VWF: variants seen among roughly 807,000 people sequenced by gnomAD.
VWF encodes von Willebrand factor, also known as Factor VIII related antigen.
A neutral mutation model predicts 308.6 loss-of-function variants in VWF; 176 were observed. The ratio of observed to expected loss-of-function variants is 0.57; its 90% CI spans 0.50 to 0.65. VWF has a LOEUF of 0.65. VWF is among the 30% of genes least tolerant of loss of function. VWF has a pLI of 0.00. For synonymous variants in VWF, 1,385 were observed against 1,443.4 expected, an observed-to-expected ratio of 0.96 and a Z score of 0.92; for missense variants, 3,146 against 3,648.2, an observed-to-expected ratio of 0.86 and a Z score of 3.55.
At chr12:6,107,558 G>A (rs753273186) in intron 5 of VWF, among the ~76,000 whole-genome samples, 1 of 152,018 alleles carries the variant, frequency 6.6e-6, no homozygotes, top group Non-Finnish European at 1.5e-5. Flanking sequence ...AAAGAAAGGT[G>A]GAATAGCTAT....
At chr12:6,026,964 GA>G (rs1172245641) in intron 22 of VWF, among the ~76,000 whole-genome samples, 1 of 152,166 alleles carries the variant, frequency 6.6e-6, no homozygotes, top group African/African-American at 2.4e-5. Context: ...GCCTGGAGAA[GA>G]AAAGGTGCTA....
In VWF at chr12:6,041,375, A is replaced by G. The variant is rs1003846978; in HGVS notation, c.2442+2916T>C. Reference sequence around the variant, plus strand: ...AACCTGGGAGGTGGGGGTTGCAGTGAGCCGAGACCATGCCACTGCACTGCA... The same window carrying G: ...AACCTGGGAGGTGGGGGTTGCAGTGGGCCGAGACCATGCCACTGCACTGCA... On this transcript the variant is annotated intron_variant, in intron 18 of 51. Coordinates refer to ENST00000261405, the MANE Select transcript of VWF (RefSeq NM_000552.5). Among the ~76,000 whole-genome samples, 6 of 151,448 alleles carry G rather than the reference A, an allele frequency of 4.0e-5. No individual in the cohort carries two copies. In the South Asian group the frequency reaches 1.3e-3, roughly 32 times the overall value.
chr12:5,970,161 T>C (rs12309308), intron 44 of VWF, among the ~76,000 whole-genome samples: 3,323 of 152,232 alleles, frequency 0.022, 123 homozygotes, highest in African/African-American at 0.075. Flanking sequence ...ATCTTCCCAC[T>C]GCAGGCCTGA....
rs535181231 is a variant in VWF at position 6,117,333 on chromosome 12, C to G, written c.220+3841G>C. Among the ~76,000 whole-genome samples the G allele has an allele frequency of 6.2e-3, 940 of 152,238 alleles. 10 individuals carry two copies. The highest frequency in any genetic ancestry group is 0.021 in the African/African-American group (869 of 41,538). ...CACTGAAACCCAGAAAACGGTGGCC[C>G]GAGAGGCCAGACCTCTAGCACAAAC... On this transcript the variant is annotated intron_variant, in intron 3 of 51. Transcript: ENST00000261405.
At chr12:6,039,531 A>C (rs1010249434) in intron 18 of VWF, among the ~76,000 whole-genome samples, 3 of 152,204 alleles carry the variant, frequency 2.0e-5, no homozygotes, top group African/African-American at 7.2e-5. Flanking sequence ...ATCTGATTAA[A>C]GCACTCCTGC....
chr12:6,010,715 T>G (rs2136402585), intron 34 of VWF, among the ~76,000 whole-genome samples: 1 of 152,346 alleles, frequency 6.6e-6, no homozygotes, highest in Admixed American at 6.5e-5. Context: ...GGATATGCTT[T>G]TAATCACAAA....
chr12:5,993,817 A>G (rs1165083143), intron 37 of VWF, 45 bp downstream of exon 37: 9 of 1,586,502 alleles, frequency 5.7e-6, no homozygotes, highest in Non-Finnish European at 7.7e-6. Context: ...GAGCAAGCCC[A>G]GTTAGCTGGT....
chr12:5,987,430 C>T (rs553571120), intron 38 of VWF, among the ~76,000 whole-genome samples: 112 of 152,308 alleles, frequency 7.4e-4, no homozygotes, highest in Non-Finnish European at 1.4e-3. Flanking sequence ...CCAAGTGGCA[C>T]ATCCAGGCTT....
intron 15 of VWF, 70 bp from the exon 16 acceptor site, chr12:6,052,853 G>T: frequency 1.9e-6 from 3 of 1,563,172 alleles, no homozygotes; most frequent in Non-Finnish European, 2.6e-6. Flanking sequence ...TCTAGGACTT[G>T]CCACCCCTTG....
chr12:5,968,473 T>G (rs34668268), intron 45 of VWF, among the ~76,000 whole-genome samples: 1 of 152,058 alleles, frequency 6.6e-6, no homozygotes, highest in Non-Finnish European at 1.5e-5. Flanking sequence ...TATGAAACAA[T>G]GAAACGCTAC....
intron 48 of VWF, 149 bp downstream of exon 48, chr12:5,953,347 C>A: frequency 4.5e-6 from 3 of 664,540 alleles, no homozygotes; most frequent in Non-Finnish European, 7.9e-6. Context: ...TGCAATAAGT[C>A]ATCTATCTTT....
intron 32 of VWF, among the ~76,000 whole-genome samples, chr12:6,012,923 G>A (rs987904829): frequency 2.6e-5 from 4 of 151,886 alleles, no homozygotes; most frequent in East Asian, 1.9e-4. Flanking sequence ...AGATGGTCTC[G>A]ATCTCCTGAC....
At chr12:6,117,233 T>C (rs1945377849) in intron 3 of VWF, among the ~76,000 whole-genome samples, 1 of 152,210 alleles carries the variant, frequency 6.6e-6, no homozygotes, top group African/African-American at 2.4e-5. Context: ...AAAAGAATAA[T>C]GACCTGGTGG....
At chr12:5,985,755 A>C in intron 38 of VWF, 90 bp from the exon 39 acceptor site, 1 of 1,243,818 alleles carries the variant, frequency 8.0e-7, no homozygotes, top group Non-Finnish European at 1.2e-6. Flanking sequence ...TGCCTCCGGC[A>C]AGGGCCAGTC....
chr12:5,993,120 G>A (rs1482447007), intron 37 of VWF, among the ~76,000 whole-genome samples: 5 of 152,198 alleles, frequency 3.3e-5, no homozygotes, highest in Non-Finnish European at 5.9e-5. Context: ...ACAGTTCCAT[G>A]ATGATAAACT....
Position 6,019,278 on chromosome 12 carries a change from G to A in VWF, c.4140C>T (p.Ile1380=), listed in dbSNP as rs762377320. ...SKIDRPEASR[I]TLLLMASQEP... Reference sequence around the variant, plus strand: ...CCTGGCTGGCCATCAGGAGCAGGGTGATGCGGGAGGCTTCAGGGCGGTCGA... The same window carrying A: ...CCTGGCTGGCCATCAGGAGCAGGGTAATGCGGGAGGCTTCAGGGCGGTCGA... Residue 1380 remains isoleucine, a synonymous_variant, in exon 28 of 52, where the codon ATC becomes ATT. Coordinates refer to ENST00000261405, the MANE Select transcript of VWF (RefSeq NM_000552.5). This position sits in a 1 kb window ranked among gnomAD's most constrained non-coding sequence, Gnocchi z 5.8. The A allele has an allele frequency of 4.3e-6, 7 of 1,613,916 alleles. No homozygotes were observed. The highest frequency in any genetic ancestry group is 1.7e-5 in the Admixed American group (1 of 60,016).
intron 5 of VWF, among the ~76,000 whole-genome samples, chr12:6,097,329 C>T (rs548976943): frequency 9.9e-5 from 15 of 152,078 alleles, no homozygotes; most frequent in African/African-American, 3.4e-4. Context: ...CCCAGTTACT[C>T]GGGAGGCTGA....
At chr12:6,053,225 G>A (rs141318333) in intron 15 of VWF, among the ~76,000 whole-genome samples, 84 of 152,256 alleles carry the variant, frequency 5.5e-4, no homozygotes, top group African/African-American at 1.7e-3. Context: ...GGCATACCCC[G>A]TGACAACAAT....
chr12:6,072,710 GCTC>G (rs1944795014), intron 8 of VWF, among the ~76,000 whole-genome samples: 1 of 152,142 alleles, frequency 6.6e-6, no homozygotes, highest in Admixed American at 6.5e-5. Context: ...CTTCCAGGAA[GCTC>G]AAGAATGTGT....
Sources: gnomAD v4.1 joint callset for allele counts (sites outside exome capture counted in the v4.1 genomes callset) on GRCh38, gnomAD v4.1.1 for gene constraint, Gnocchi (gnomAD v3.1) non-coding constraint, MANE v1.5 for transcripts, NCBI Gene and HGNC (gene_info 2026-07-23, HGNC 2026-07-21) for gene names.